Variants in ZNF365 observed in about 807,000 individuals in gnomAD.
ZNF365 encodes protein ZNF365.
ZNF365 carries 22 observed loss-of-function variants against 35.0 expected under a neutral mutation model. The observed-to-expected ratio is 0.63, with a 90% CI of 0.45 to 0.90. ZNF365 has a LOEUF of 0.90. Among genes scored for constraint, ZNF365 ranks in the 40% least tolerant of loss-of-function variants. The probability of loss-of-function intolerance (pLI) is 0.00; values close to 1 mark genes in which losing one functional copy is unlikely to be tolerated. For synonymous variants in ZNF365, 188 were observed against 196.2 expected (o/e 0.96, Z 0.35); for missense variants, 448 against 500.3 (o/e 0.90, Z 1.00).
chr10:62,440,110 G>A (rs921380781), intron 3 of ZNF365, among the ~76,000 whole-genome samples: 3 of 152,050 alleles, frequency 2.0e-5, no homozygotes, highest in African/African-American at 7.2e-5. Context: ...GTATGTCAGA[G>A]GATACCTTAG....
chr10:62,445,878 T>A (rs16917221), intron 3 of ZNF365, among the ~76,000 whole-genome samples: 1 of 152,094 alleles, frequency 6.6e-6, no homozygotes, highest in Admixed American at 6.6e-5. Flanking sequence ...GTGTAAACAA[T>A]TGGAACGAGG....
At chr10:62,446,094 AC>A (rs1840583735) in intron 3 of ZNF365, among the ~76,000 whole-genome samples, 2 of 152,194 alleles carry the variant, frequency 1.3e-5, no homozygotes. Flanking sequence ...AACCCAAGTC[AC>A]TGCACTCTGG....
At chr10:62,418,499 G>T (rs1299259817) in intron 3 of ZNF365, among the ~76,000 whole-genome samples, 1 of 151,950 alleles carries the variant, frequency 6.6e-6, no homozygotes, top group Non-Finnish European at 1.5e-5. Flanking sequence ...ATCAGAAGGG[G>T]TGCCTGAGAC....
intron 3 of ZNF365, among the ~76,000 whole-genome samples, chr10:62,443,558 G>A (rs2132466818): frequency 6.6e-6 from 1 of 152,326 alleles, no homozygotes; most frequent in South Asian, 2.1e-4. Context: ...GTCTCTTGGG[G>A]AGAAGGAGTT....
intron 3 of ZNF365, among the ~76,000 whole-genome samples, chr10:62,394,180 A>G (rs977630496): frequency 6.6e-6 from 1 of 152,182 alleles, no homozygotes; most frequent in African/African-American, 2.4e-5. Context: ...TTCCTAATCC[A>G]AAATCAGAAA....
intron 3 of ZNF365, among the ~76,000 whole-genome samples, 157 bp from the exon 4 acceptor site, chr10:62,398,583 C>T (rs74156191): frequency 0.039 from 5,954 of 152,230 alleles, 336 homozygotes; most frequent in African/African-American, 0.13. Flanking sequence ...TGTTCTTGTT[C>T]ACTGATGCAA....
At chr10:62,471,126 G>A (rs1219376701) in intron 4 of ZNF365, among the ~76,000 whole-genome samples, 1 of 151,998 alleles carries the variant, frequency 6.6e-6, no homozygotes. Flanking sequence ...CAGCACTTTG[G>A]GAGGCCAAGG....
intron 2 of ZNF365, among the ~76,000 whole-genome samples, chr10:62,377,224 T>C (rs768566325): frequency 2.0e-5 from 3 of 152,162 alleles, no homozygotes; most frequent in Non-Finnish European, 4.4e-5. Flanking sequence ...AGCCTAGCCA[T>C]GGTGGGATCC....
rs138657960 is a variant in ZNF365, at chr10:62,457,911, T to C, written c.925-1830T>C. ...AGAGAATCATGCAAATGACTTTCTTTTCACCTCAAAACACCAAAAACAGAG... is the reference window on the plus strand; with the variant it reads ...AGAGAATCATGCAAATGACTTTCTTCTCACCTCAAAACACCAAAAACAGAG... On this transcript the variant is annotated intron_variant, in intron 3 of 4. Coordinates refer to the ZNF365 transcript ENST00000395255. Among the ~76,000 whole-genome samples, 235 of 152,284 alleles carry C rather than the reference T, an allele frequency of 1.5e-3. 1 individual carries two copies. Among genetic ancestry groups the C allele is most frequent in the African/African-American group, 5.4e-3 (226 of 41,550 alleles).
chr10:62,390,127 C>T (rs772670754), intron 3 of ZNF365, among the ~76,000 whole-genome samples: 7 of 151,986 alleles, frequency 4.6e-5, no homozygotes, highest in South Asian at 2.1e-4. Flanking sequence ...GCCTGGCTTC[C>T]GGTTTATTCT....
At chr10:62,381,119 T>C (rs534493255) in intron 2 of ZNF365, among the ~76,000 whole-genome samples, 1 of 152,182 alleles carries the variant, frequency 6.6e-6, no homozygotes, top group African/African-American at 2.4e-5. Flanking sequence ...CAGTTTCAAG[T>C]TGGTAATACA....
At position 62,401,489 on chromosome 10, in the gene ZNF365, G is replaced by A; in HGVS notation, c.*1700G>A. 1 of 984,202 alleles carries A rather than the reference G, an allele frequency of 1.0e-6. No individual in the cohort carries two copies. The highest frequency in any genetic ancestry group is 1.2e-6 in the Non-Finnish European group (1 of 828,748). The allele number at this position is 984,202 out of a possible 1,614,324, so 61.0% of individuals were successfully genotyped here. A position where few individuals can be genotyped will look rare whatever the true frequency, so the allele number is the denominator to read the frequency against. Reference sequence around the variant, plus strand: ...CTTCACTTTGACTTTCAGTTTATGGGGGGGGTAGATCATTCATGTGATATA... The same window carrying A: ...CTTCACTTTGACTTTCAGTTTATGGAGGGGGTAGATCATTCATGTGATATA... On this transcript the variant is annotated 3_prime_UTR_variant, in exon 5 of 5. Transcript: ENST00000395254.
intron 2 of ZNF365, among the ~76,000 whole-genome samples, chr10:62,385,682 T>C (rs1839513607): frequency 6.6e-6 from 1 of 152,210 alleles, no homozygotes; most frequent in Non-Finnish European, 1.5e-5. Flanking sequence ...TTCTTCCTTG[T>C]CCTTTATAAA....
intron 3 of ZNF365, among the ~76,000 whole-genome samples, chr10:62,449,316 A>G (rs958461760): frequency 6.6e-6 from 1 of 152,194 alleles, no homozygotes; most frequent in South Asian, 2.1e-4. Flanking sequence ...TTGGGGGGCA[A>G]GGGAAAGGCT....
chr10:62,409,539 C>T (rs890808442), intron 3 of ZNF365, among the ~76,000 whole-genome samples: 7 of 152,108 alleles, frequency 4.6e-5, no homozygotes, highest in Non-Finnish European at 1.0e-4. Flanking sequence ...TAGTGCATTC[C>T]AGTTGGGCTG....
intron 2 of ZNF365, among the ~76,000 whole-genome samples, chr10:62,383,246 C>T (rs1300060586): frequency 6.6e-6 from 1 of 152,108 alleles, no homozygotes; most frequent in Non-Finnish European, 1.5e-5. Flanking sequence ...CACACAAGGT[C>T]CCTGAACTCA....
intron 3 of ZNF365, among the ~76,000 whole-genome samples, chr10:62,412,277 G>A (rs1456562617): frequency 1.3e-5 from 2 of 151,970 alleles, no homozygotes; most frequent in African/African-American, 4.8e-5. Flanking sequence ...GATATTGAAG[G>A]AACATACCTC....
At chr10:62,420,489 G>A (rs1218769680) in intron 3 of ZNF365, among the ~76,000 whole-genome samples, 1 of 152,140 alleles carries the variant, frequency 6.6e-6, no homozygotes, top group Non-Finnish European at 1.5e-5. Flanking sequence ...GATTTTCTCT[G>A]TCTTAACTCA....
chr10:62,421,467 G>A (rs1008130033), intron 3 of ZNF365, among the ~76,000 whole-genome samples: 2 of 152,086 alleles, frequency 1.3e-5, no homozygotes, highest in African/African-American at 2.4e-5. Flanking sequence ...AAGCGGGTGG[G>A]CTTTAGAATT....
Sources: allele counts gnomAD v4.1 joint callset (sites outside exome capture counted in the v4.1 genomes callset), GRCh38; gene constraint gnomAD v4.1.1; transcripts MANE v1.5; gene names NCBI Gene and HGNC (gene_info 2026-07-23, HGNC 2026-07-21).